The following HSPA12A variants were observed in gnomAD, a reference collection of about 807,000 sequenced individuals.
The protein encoded by HSPA12A is heat shock 70 kDa protein 12A.
A neutral mutation model predicts 69.2 loss-of-function variants in HSPA12A; 28 were observed. That is an observed-to-expected ratio of 0.40 (90% CI 0.30 to 0.55). The LOEUF is 0.55. Among genes scored for constraint, HSPA12A ranks in the 20% least tolerant of loss-of-function variants. HSPA12A has a pLI of 0.38. For missense variants in HSPA12A, 686 were observed against 900.7 expected (o/e 0.76, Z 3.05); for synonymous variants, 345 against 370.5 (o/e 0.93, Z 0.79).
intron 2 of HSPA12A, among the ~76,000 whole-genome samples, chr10:116,792,623 A>G (rs1375589898): frequency 2.0e-5 from 3 of 150,554 alleles, no homozygotes; most frequent in Non-Finnish European, 4.4e-5. Context: ...CAAAAAAAAA[A>G]AAAAAAAAAA....
At chr10:116,847,975 TGATGTG>T (rs1845924812) in intron 1 of HSPA12A, among the ~76,000 whole-genome samples, 1 of 152,210 alleles carries the variant, frequency 6.6e-6, no homozygotes, top group South Asian at 2.1e-4. Context: ...GTGGCTTCTT[TGATGTG>T]GGACTCAACC....
At chr10:116,716,821 C>T (rs1355586111) in intron 1 of HSPA12A, among the ~76,000 whole-genome samples, 2 of 152,092 alleles carry the variant, frequency 1.3e-5, no homozygotes, top group Admixed American at 6.5e-5. Context: ...ATTCTCAGGG[C>T]CCCCGTCACT....
chr10:116,747,516 G>C (rs1851674982), upstream of HSPA12A, among the ~76,000 whole-genome samples: 1 of 152,194 alleles, frequency 6.6e-6, no homozygotes, highest in Non-Finnish European at 1.5e-5. Context: ...TCAGAGAAGA[G>C]AAACTGGCAT....
At chr10:116,805,613 GA>G (rs1286782144) in intron 2 of HSPA12A, among the ~76,000 whole-genome samples, 6 of 151,940 alleles carry the variant, frequency 3.9e-5, no homozygotes, top group African/African-American at 1.4e-4. Flanking sequence ...GTTTGTCCTT[GA>G]AAAAAACAAA....
chr10:116,722,840 ATGGTAAG>A (rs572882161), intron 1 of HSPA12A, among the ~76,000 whole-genome samples: 4 of 152,212 alleles, frequency 2.6e-5, no homozygotes, highest in Non-Finnish European at 5.9e-5. Context: ...ATGAGACACC[ATGGTAAG>A]TGCCACAGGG....
intron 1 of HSPA12A, among the ~76,000 whole-genome samples, chr10:116,739,447 G>A (rs1851412383): frequency 6.6e-6 from 1 of 152,106 alleles, no homozygotes; most frequent in Non-Finnish European, 1.5e-5. Context: ...CCCAATGCCA[G>A]GCCTCGAGAG....
At chr10:116,742,577 G>T (rs1851550919), upstream of HSPA12A, 3 of 1,137,798 alleles carry the variant, frequency 2.6e-6, no homozygotes, top group Non-Finnish European at 3.2e-6. Context: ...GAGCCGCCGG[G>T]CAGCGGGAGC....
intron 2 of HSPA12A, among the ~76,000 whole-genome samples, chr10:116,800,067 T>C (rs1292199668): frequency 1.3e-5 from 2 of 152,094 alleles, no homozygotes; most frequent in African/African-American, 4.8e-5. Flanking sequence ...ATACCCAGCA[T>C]GGAAAAGGAT....
intron 2 of HSPA12A, among the ~76,000 whole-genome samples, chr10:116,778,289 C>A (rs1844386123): frequency 6.6e-6 from 1 of 152,094 alleles, no homozygotes; most frequent in Non-Finnish European, 1.5e-5. Flanking sequence ...TTAATTTTGC[C>A]CAATGCAGTT....
intron 2 of HSPA12A, among the ~76,000 whole-genome samples, chr10:116,782,746 G>A (rs1209397199): frequency 6.6e-6 from 1 of 152,184 alleles, no homozygotes; most frequent in African/African-American, 2.4e-5. Context: ...GGGGCTGCCT[G>A]GTCAGGGAAG....
chr10:116,728,853 C>T (rs1276705777), intron 1 of HSPA12A, among the ~76,000 whole-genome samples: 1 of 152,218 alleles, frequency 6.6e-6, no homozygotes, highest in Non-Finnish European at 1.5e-5. Flanking sequence ...TGGTGGAACT[C>T]CAGGCTCTGT....
upstream of HSPA12A, among the ~76,000 whole-genome samples, chr10:116,745,201 C>G (rs1193598851): frequency 6.6e-6 from 1 of 152,244 alleles, no homozygotes; most frequent in Admixed American, 6.5e-5. Flanking sequence ...ATCTCTGTGT[C>G]TAGAACAGCG....
intron 1 of HSPA12A, among the ~76,000 whole-genome samples, chr10:116,839,910 CT>C (rs973650502): frequency 8.6e-4 from 125 of 144,672 alleles, no homozygotes; most frequent in Middle Eastern, 3.6e-3. Context: ...AGGTTAGTGC[CT>C]TTTTTTTTTT....
At chr10:116,839,963 A>C (rs772892795) in intron 1 of HSPA12A, among the ~76,000 whole-genome samples, 1 of 151,968 alleles carries the variant, frequency 6.6e-6, no homozygotes, top group Non-Finnish European at 1.5e-5. Flanking sequence ...GGCCCAAGGC[A>C]TGCCCCTAGT....
intron 6 of HSPA12A, among the ~76,000 whole-genome samples, chr10:116,687,414 T>C (rs1849605942): frequency 6.6e-6 from 1 of 151,966 alleles, no homozygotes; most frequent in Non-Finnish European, 1.5e-5. Flanking sequence ...TCCTGTCCAG[T>C]GAGGGGCCGT....
chr10:116,739,291 T>C (rs546081979), intron 1 of HSPA12A, among the ~76,000 whole-genome samples: 1 of 152,312 alleles, frequency 6.6e-6, no homozygotes, highest in South Asian at 2.1e-4. Flanking sequence ...TCCTTCATAG[T>C]CATTCATTCA....
intron 2 of HSPA12A, among the ~76,000 whole-genome samples, chr10:116,784,778 G>A (rs1554892162): frequency 1.3e-5 from 2 of 151,962 alleles, no homozygotes; most frequent in Admixed American, 6.5e-5. Flanking sequence ...TCCCTTCCCT[G>A]GGATCTTTGG....
intron 2 of HSPA12A, among the ~76,000 whole-genome samples, chr10:116,774,230 C>G (rs1169758367): frequency 6.6e-6 from 1 of 151,996 alleles, no homozygotes; most frequent in Non-Finnish European, 1.5e-5. Context: ...GGGATGGTCT[C>G]GATCTCCTGA....
intron 2 of HSPA12A, among the ~76,000 whole-genome samples, chr10:116,811,579 TAAAAAAAAAAAAA>T (rs60912684): frequency 2.8e-5 from 3 of 105,926 alleles, no homozygotes; most frequent in African/African-American, 3.7e-5. Flanking sequence ...TTGCTTTTGT[TAAAAAAAAAAAAA>T]AAAAAAAAAA....
Sources: allele counts gnomAD v4.1 joint callset (sites outside exome capture counted in the v4.1 genomes callset), GRCh38; gene constraint gnomAD v4.1.1; transcripts MANE v1.5; gene names NCBI Gene and HGNC (gene_info 2026-07-23, HGNC 2026-07-21).